Variants in HABP4 observed in about 807,000 individuals in gnomAD.
The protein encoded by HABP4 is hyaluronan binding protein 4.
A neutral mutation model predicts 44.1 loss-of-function variants in HABP4; 32 were observed. That is an observed-to-expected ratio of 0.73 (90% confidence interval 0.55 to 0.97). HABP4 has a LOEUF of 0.97. Ranked by LOEUF, HABP4 falls within the 50% of genes least tolerant of loss-of-function variation. HABP4 has a pLI of 0.00. For missense variants in HABP4, 503 were observed against 561.9 expected, an observed-to-expected ratio of 0.90 and a Z score of 1.06; for synonymous variants, 216 against 218.0, an observed-to-expected ratio of 0.99 and a Z score of 0.08.
chr9:96,472,345 G>A (rs1564165012), intron 5 of HABP4, among the ~76,000 whole-genome samples: 5 of 152,142 alleles, frequency 3.3e-5, no homozygotes, highest in African/African-American at 1.2e-4. Flanking sequence ...TCTAATGACT[G>A]TTTTAATTTC....
chr9:96,453,233 A>G (rs1263361681), intron 1 of HABP4, among the ~76,000 whole-genome samples: 1 of 151,770 alleles, frequency 6.6e-6, no homozygotes, highest in Non-Finnish European at 1.5e-5. Context: ...TGCCCAGCTA[A>G]TTTTTGTATA....
intron 1 of HABP4, among the ~76,000 whole-genome samples, chr9:96,457,833 C>T: frequency 6.6e-6 from 1 of 152,282 alleles, no homozygotes; most frequent in Non-Finnish European, 1.5e-5. Flanking sequence ...AAACAGTGCA[C>T]TGCACTTCGG....
intron 2 of HABP4, 84 bp downstream of exon 2, chr9:96,458,625 TC>T (rs1161612038): frequency 3.9e-5 from 36 of 911,628 alleles, no homozygotes; most frequent in Admixed American, 5.3e-5. Context: ...TTTCTTTCTT[TC>T]TTTTTTTTTT....
At chr9:96,473,275 A>G (rs1042908165) in intron 5 of HABP4, among the ~76,000 whole-genome samples, 2 of 151,418 alleles carry the variant, frequency 1.3e-5, no homozygotes, top group Admixed American at 6.6e-5. Context: ...GACTGAGCTG[A>G]CTCCTCCCCA....
At chr9:96,452,033 C>T (rs1832291754) in intron 1 of HABP4, among the ~76,000 whole-genome samples, 1 of 152,084 alleles carries the variant, frequency 6.6e-6, no homozygotes, top group Non-Finnish European at 1.5e-5. Flanking sequence ...CGAGACCATC[C>T]TGGCTAACAC....
chr9:96,468,191 T>C (rs1832637001), intron 4 of HABP4, among the ~76,000 whole-genome samples: 1 of 152,006 alleles, frequency 6.6e-6, no homozygotes, highest in Non-Finnish European at 1.5e-5. Flanking sequence ...CAGTTGATCC[T>C]TCCACCTCAG....
At chr9:96,456,556 T>G (rs1832379219) in intron 1 of HABP4, among the ~76,000 whole-genome samples, 2 of 150,878 alleles carry the variant, frequency 1.3e-5, no homozygotes, top group African/African-American at 4.9e-5. Flanking sequence ...GTCAGGAGAT[T>G]GAGACCATCC....
intron 1 of HABP4, among the ~76,000 whole-genome samples, chr9:96,453,288 A>T (rs924329736): frequency 2.6e-5 from 4 of 151,944 alleles, no homozygotes; most frequent in African/African-American, 9.7e-5. Flanking sequence ...GTTGGCCAGG[A>T]TGGTCTCGAT....
At chr9:96,463,864 C>T (rs1390810056) in intron 2 of HABP4, among the ~76,000 whole-genome samples, 2 of 152,214 alleles carry the variant, frequency 1.3e-5, no homozygotes, top group Non-Finnish European at 2.9e-5. Context: ...GTTTGAGCTA[C>T]TAATGCCACT....
chr9:96,465,680 GGTTTAAGGGA>G lies in HABP4; in HGVS notation c.675-29_675-20del. 6.7e-7 allele frequency: 1 copy of G among 1,482,006 alleles called. No homozygotes were observed. Among genetic ancestry groups the G allele is most frequent in the Non-Finnish European group, 9.4e-7 (1 of 1,059,878 alleles). 91.8% of individuals were successfully genotyped at this position (1,482,006 alleles called of 1,614,324 possible). ...GGAGATTGACTGGAGACTAGCTTCT[GGTTTAAGGGA>G]CTATTCTTTCTTTCCGTAGAGCAGT... On this transcript the variant is annotated intron_variant, in intron 3 of 7. Coordinates refer to ENST00000375249, the MANE Select transcript of HABP4 (RefSeq NM_014282.4).
chr9:96,470,030 GT>G (rs1253714788), intron 4 of HABP4, among the ~76,000 whole-genome samples: 2 of 152,146 alleles, frequency 1.3e-5, no homozygotes, highest in Admixed American at 6.6e-5. Context: ...GAAATACTCA[GT>G]TTTTTGTGGT....
intron 1 of HABP4, among the ~76,000 whole-genome samples, chr9:96,457,234 C>T (rs987546008): frequency 6.6e-6 from 1 of 151,948 alleles, no homozygotes. Context: ...GGCGTGGTGG[C>T]GCAGGCCTGT....
chr9:96,485,514 C>T (rs930172814), intron 6 of HABP4, among the ~76,000 whole-genome samples: 1 of 152,208 alleles, frequency 6.6e-6, no homozygotes, highest in Non-Finnish European at 1.5e-5. Flanking sequence ...CAGCGGCCAG[C>T]GTGCTGCAGG....
rs748656634 is a variant in HABP4, at chr9:96,488,277, A to G, written c.1185+3A>G. ...ATGGACCCAGAGCAGAAGTGGTGGT[A>G]GGTGTCTGTATTGACGGTTTGGCGA... On this transcript the variant is annotated splice_donor_region_variant and intron_variant, in intron 7 of 7. Coordinates refer to ENST00000375249, the MANE Select transcript of HABP4 (RefSeq NM_014282.4). The surrounding 1 kb of genome is among the most constrained non-coding windows in gnomAD (Gnocchi z 4.6). 1 of 1,606,352 alleles carries G rather than the reference A, an allele frequency of 6.2e-7. No individual in the cohort carries two copies. Among genetic ancestry groups the G allele is most frequent in the Non-Finnish European group, 8.5e-7 (1 of 1,175,072 alleles).
chr9:96,457,675 C>T (rs894936299), intron 1 of HABP4, among the ~76,000 whole-genome samples: 1 of 152,082 alleles, frequency 6.6e-6, no homozygotes, highest in African/African-American at 2.4e-5. Context: ...CGAGACCAGC[C>T]TGGCCAACAT....
chr9:96,457,827 A>C (rs1832421374), intron 1 of HABP4, among the ~76,000 whole-genome samples: 1 of 152,194 alleles, frequency 6.6e-6, no homozygotes, highest in African/African-American at 2.4e-5. Context: ...AAGATTAAAC[A>C]GTGCACTGCA....
At position 96,484,695 on chromosome 9, in the gene HABP4, T is replaced by C. The variant is rs1832939577; in HGVS notation, c.999+62T>C. On this transcript the variant is annotated intron_variant, in intron 6 of 7. Transcript: ENST00000375249. ...CTTTTACCTTACTGGAAGTGAAATG[T>C]ACCTTTCCACTTCTGTCTTGAAAAT... The C allele has an allele frequency of 5.6e-6, 5 of 891,760 alleles. No individual in the cohort carries two copies. The East Asian group carries it at 1.2e-4, about 22-fold the overall frequency. 55.2% of individuals were successfully genotyped at this position (891,760 alleles called of 1,614,324 possible). A position where few individuals can be genotyped will look rare whatever the true frequency, so the allele number is the denominator to read the frequency against.
intron 1 of HABP4, among the ~76,000 whole-genome samples, chr9:96,455,112 C>CA (rs1287835937): frequency 6.7e-6 from 1 of 149,752 alleles, no homozygotes. Flanking sequence ...GAGACCCTGT[C>CA]GAAAAAAAAG....
chr9:96,477,908 A>C (rs1446413136), intron 5 of HABP4, among the ~76,000 whole-genome samples: 1 of 152,096 alleles, frequency 6.6e-6, no homozygotes, highest in East Asian at 1.9e-4. Context: ...TTCTGTCACT[A>C]CAGATTAGTT....
Sources: gnomAD v4.1 joint callset for allele counts (sites outside exome capture counted in the v4.1 genomes callset) on GRCh38, gnomAD v4.1.1 for gene constraint, Gnocchi (gnomAD v3.1) non-coding constraint, MANE v1.5 for transcripts, NCBI Gene and HGNC (gene_info 2026-07-23, HGNC 2026-07-21) for gene names.